PLA2G6: variants seen among roughly 807,000 people sequenced by gnomAD.
PLA2G6 encodes the protein 85/88 kDa calcium-independent phospholipase A2.
PLA2G6 carries 62 observed loss-of-function variants against 83.8 expected under a neutral mutation model. The ratio of observed to expected loss-of-function variants is 0.74; its 90% CI spans 0.60 to 0.91. PLA2G6 has a LOEUF of 0.91. PLA2G6 is among the 40% of genes least tolerant of loss of function. The pLI is 0.00. For synonymous variants in PLA2G6, 417 were observed against 449.8 expected (o/e 0.93, Z 0.92); for missense variants, 944 against 1,102.0 (o/e 0.86, Z 2.03).
At chr22:38,172,332 C>A (rs1444443624) in intron 1 of PLA2G6, among the ~76,000 whole-genome samples, 1 of 152,202 alleles carries the variant, frequency 6.6e-6, no homozygotes, top group African/African-American at 2.4e-5. Flanking sequence ...GTCTGAGTTT[C>A]TCAAAGGCAG....
chr22:38,116,176 G>A lies in PLA2G6; in HGVS notation c.1778C>T (p.Pro593Leu), dbSNP rs1451486649. The change falls in exon 13 of 17, where the codon CCG becomes CTG. Residue 593 changes from proline (P) to leucine (L), a missense_variant. Pro to Leu is a moderately conservative substitution (Grantham distance 98). Coordinates refer to ENST00000332509, the MANE Select transcript of PLA2G6 (RefSeq NM_003560.4). ...GTTCCGGAAGAGGTGGAGTTCAGCC[G>A]GCTGCCGGTCAGACAGTGTCCCTGT... ...MLTGTLSDRQ[P>L]AELHLFRNYD... is the part of the protein sequence containing the mutation. The A allele has an allele frequency of 3.7e-6, 6 of 1,613,782 alleles. No homozygotes were observed. Among genetic ancestry groups the A allele is most frequent in the African/African-American group, 1.3e-5 (1 of 74,922 alleles).
intron 7 of PLA2G6, 132 bp from the exon 8 acceptor site, chr22:38,129,694 C>G (rs1207767298): frequency 4.2e-6 from 3 of 718,018 alleles, no homozygotes; most frequent in East Asian, 2.7e-5. Flanking sequence ...ACACTGGAAC[C>G]CTCCTCACCC....
At chr22:38,178,928 T>C (rs953845303) in intron 1 of PLA2G6, among the ~76,000 whole-genome samples, 1 of 152,158 alleles carries the variant, frequency 6.6e-6, no homozygotes. Flanking sequence ...CTGGAACTTA[T>C]ATTTTAGACA....
chr22:38,112,529 C>A lies in PLA2G6; in HGVS notation c.2251G>T (p.Glu751Ter), dbSNP rs1296348337. ...CTGAAGTACTGGATGCCGACCATCTCGCACCAGGCCCGTGCCCGGTCCACA... is the reference window on the plus strand; with the variant it reads ...CTGAAGTACTGGATGCCGACCATCTAGCACCAGGCCCGTGCCCGGTCCACA... The part of the protein sequence containing the change: ...RAVDRARAWC[E>*]MVGIQYFRLN... The change falls in exon 16 of 17, where the codon GAG becomes TAG. Residue 751 changes from glutamate to a stop codon, truncating the protein, a stop_gained. Transcript: ENST00000332509. LOFTEE classifies it high-confidence loss of function. 1 of 1,555,938 alleles carries A rather than the reference C, an allele frequency of 6.4e-7. No individual in the cohort carries two copies. Among genetic ancestry groups the A allele is most frequent in the Non-Finnish European group, 8.7e-7 (1 of 1,150,924 alleles).
intron 2 of PLA2G6, among the ~76,000 whole-genome samples, chr22:38,158,342 T>C (rs1427606773): frequency 6.6e-6 from 1 of 151,954 alleles, no homozygotes; most frequent in East Asian, 2.0e-4. Context: ...GCTAATGTTT[T>C]GTATTTTTAG....
In PLA2G6 at chr22:38,157,149, AAAC is replaced by A. The variant is rs889935198; in HGVS notation, c.210-11499_210-11497del. On this transcript the variant is annotated intron_variant, in intron 2 of 16. Transcript: ENST00000332509. ...AGCAGAAATAAATGAAATTGAAACA[AAAC>A]AATACAAAAGATCAACAAAATAAAG... is the stretch of plus-strand genomic sequence containing the variant. 4.6e-5 allele frequency among the ~76,000 whole-genome samples: 7 copies of A among 152,176 alleles called. No individual in the cohort carries two copies. The South Asian group carries it at 6.2e-4, about 13-fold the overall frequency.
rs938884094 is a variant in PLA2G6, at chr22:38,115,127, C to T, written c.2034+400G>A. 6.6e-5 allele frequency among the ~76,000 whole-genome samples: 10 copies of T among 152,244 alleles called. 1 individual carries two copies. Among genetic ancestry groups the T allele is most frequent in the African/African-American group, 2.4e-4 (10 of 41,460 alleles). On this transcript the variant is annotated intron_variant, in intron 14 of 16. Transcript: ENST00000332509. ...TGGAGCCCTTTCCGAGCCCCCAGGC[C>T]TTTTAGCAGAGGCCTCACGGTCCTC...
At position 38,135,007 on chromosome 22, in the gene PLA2G6, T is replaced by C. The variant is rs2088462039; in HGVS notation, c.875A>G (p.His292Arg). ...KDPRYGASPLHWAKNAEMARM... is the reference protein window; with the variant it reads ...KDPRYGASPLRWAKNAEMARM... The stretch of plus-strand genomic sequence containing the variant: ...ACTCACCTCTGCGTTCTTGGCCCAG[T>C]GGAGGGGGCTGGCTCCGTAACGGGG... Residue 292 changes from histidine to arginine, a missense_variant, in exon 6 of 17, where the codon CAC (histidine) becomes CGC (arginine). His to Arg is a conservative substitution (Grantham distance 29). Transcript: ENST00000332509. 1 of 1,570,092 alleles carries C rather than the reference T, an allele frequency of 6.4e-7. No homozygotes were observed. Among genetic ancestry groups the C allele is most frequent in the Non-Finnish European group, 8.7e-7 (1 of 1,150,644 alleles).
chr22:38,141,165 G>C (rs1007656637), intron 4 of PLA2G6: 3 of 151,952 alleles, frequency 2.0e-5, no homozygotes, highest in African/African-American at 4.8e-5. Context: ...CTGCACTCCA[G>C]CCTGGGCGAC....
rs540111983 is a variant in PLA2G6 at position 38,125,675 on chromosome 22, G to A, written c.1427+696C>T. 9 of 470,688 alleles carry A rather than the reference G, an allele frequency of 1.9e-5. No individual in the cohort carries two copies. In the East Asian group the frequency reaches 2.1e-4, roughly 11 times the overall value. 29.2% of individuals were successfully genotyped at this position (470,688 alleles called of 1,614,324 possible). A position where few individuals can be genotyped will look rare whatever the true frequency, so the allele number is the denominator to read the frequency against. On this transcript the variant is annotated intron_variant, in intron 10 of 16. Coordinates refer to ENST00000332509, the MANE Select transcript of PLA2G6 (RefSeq NM_003560.4). ...TTGAGCAAGTCACTTCACCTCTCAG[G>A]GGCTCAGGTTCTGCATCTGTAAAAC...
chr22:38,154,811 G>A (rs1003534474), intron 2 of PLA2G6, among the ~76,000 whole-genome samples: 1 of 152,208 alleles, frequency 6.6e-6, no homozygotes. Flanking sequence ...AGAGATATGT[G>A]ACCTTTCAGA....
intron 1 of PLA2G6, chr22:38,180,471 G>A (rs1460276892): frequency 6.6e-6 from 1 of 152,190 alleles, no homozygotes; most frequent in African/African-American, 2.4e-5. Context: ...TAGAACATCA[G>A]ACAGTCCGTA....
chr22:38,136,016 GC>G (rs1209154559), intron 5 of PLA2G6: 1 of 152,188 alleles, frequency 6.6e-6, no homozygotes, highest in East Asian at 1.9e-4. Flanking sequence ...TCTGATACGT[GC>G]TGCAACATGG....
chr22:38,135,194 A>C, intron 5 of PLA2G6, 110 bp from the exon 6 acceptor site: 2 of 780,268 alleles, frequency 2.6e-6, no homozygotes, highest in South Asian at 2.9e-5. Context: ...ATCACTGCAA[A>C]CAAAGTTCAG....
At chr22:38,161,695 T>C (rs1326860080) in intron 2 of PLA2G6, among the ~76,000 whole-genome samples, 1 of 151,676 alleles carries the variant, frequency 6.6e-6, no homozygotes, top group Admixed American at 6.6e-5. Context: ...GACAGAGGTG[T>C]GTGCATGGGG....
chr22:38,159,268 T>G (rs933760008), intron 2 of PLA2G6, among the ~76,000 whole-genome samples: 1 of 152,096 alleles, frequency 6.6e-6, no homozygotes, highest in African/African-American at 2.4e-5. Context: ...ACAACTTCGA[T>G]AAAATAGAAA....
At chr22:38,148,570 A>G (rs907707380) in intron 2 of PLA2G6, 25 of 717,074 alleles carry the variant, frequency 3.5e-5, no homozygotes, top group Non-Finnish European at 6.5e-5. Context: ...GCAGACGAGC[A>G]GCACCAGTAA....
intron 1 of PLA2G6, among the ~76,000 whole-genome samples, chr22:38,170,444 G>T (rs546425178): frequency 2.6e-5 from 4 of 151,974 alleles, no homozygotes; most frequent in Admixed American, 1.3e-4. Flanking sequence ...AGGGGCAGGT[G>T]GGGGAGCCCC....
chr22:38,126,622 G>T (rs1387629380), intron 9 of PLA2G6, 173 bp from the exon 10 acceptor site: 1 of 653,270 alleles, frequency 1.5e-6, no homozygotes, highest in African/African-American at 1.8e-5. Flanking sequence ...CCAGGAGAAA[G>T]CTGAGCCACA....
Sources: allele counts gnomAD v4.1 joint callset (sites outside exome capture counted in the v4.1 genomes callset), GRCh38; gene constraint gnomAD v4.1.1; transcripts MANE v1.5; gene names NCBI Gene and HGNC (gene_info 2026-07-23, HGNC 2026-07-21).